Variants in SPECC1L observed in about 807,000 individuals in gnomAD.
SPECC1L encodes the protein cytospin-A.
A neutral mutation model predicts 116.8 loss-of-function variants in SPECC1L; 40 were observed. That is an observed-to-expected ratio of 0.34 (90% CI 0.27 to 0.45). The LOEUF is 0.45. Among genes scored for constraint, SPECC1L ranks in the 20% least tolerant of loss-of-function variants. The pLI is 1.00. For synonymous variants in SPECC1L, 504 were observed against 500.6 expected (o/e 1.01, Z -0.09); for missense variants, 1,110 against 1,373.6 (o/e 0.81, Z 3.03).
In SPECC1L at chr22:24,326,742, A is replaced by AT. The variant is rs541949421; in HGVS notation, c.2147-2100dup. Among the ~76,000 whole-genome samples, 22 of 152,248 alleles carry AT rather than the reference A, an allele frequency of 1.4e-4. No individual in the cohort carries two copies. The South Asian group carries it at 3.3e-3, about 23-fold the overall frequency. On this transcript the variant is annotated intron_variant, in intron 6 of 16. Transcript: ENST00000314328. ...ACACATTTATCAAATTAAAGAGTAA[A>AT]TTTTGAACCTTTTTATTTCACAGGA...
chr22:24,326,000 C>G (rs1263048019), intron 6 of SPECC1L, among the ~76,000 whole-genome samples: 1 of 152,188 alleles, frequency 6.6e-6, no homozygotes, highest in African/African-American at 2.4e-5. Flanking sequence ...GGTGCCCAGG[C>G]TAGAGTGCAG....
intron 1 of SPECC1L, among the ~76,000 whole-genome samples, chr22:24,275,525 C>T (rs1166953016): frequency 6.6e-6 from 1 of 150,924 alleles, no homozygotes; most frequent in African/African-American, 2.4e-5. Flanking sequence ...CAGATCACTT[C>T]CCTTTTTTCT....
At chr22:24,329,762 T>C (rs1395516716) in intron 7 of SPECC1L, among the ~76,000 whole-genome samples, 1 of 152,204 alleles carries the variant, frequency 6.6e-6, no homozygotes, top group African/African-American at 2.4e-5. Context: ...TTGAGTTTAG[T>C]GTTTTTCTTC....
chr22:24,293,923 GT>G (rs1274131631), intron 2 of SPECC1L, among the ~76,000 whole-genome samples: 1 of 39,502 alleles, frequency 2.5e-5, no homozygotes, highest in African/African-American at 1.0e-4. Flanking sequence ...TGCCCATTCT[GT>G]TTTCCTCATC....
intron 10 of SPECC1L, among the ~76,000 whole-genome samples, chr22:24,341,931 C>T (rs757886118): frequency 2.6e-5 from 4 of 152,294 alleles, no homozygotes; most frequent in East Asian, 1.9e-4. Context: ...AGCAGATCTT[C>T]GATCCTCGAG....
At chr22:24,384,359 G>T (rs2042121242) in intron 14 of SPECC1L, among the ~76,000 whole-genome samples, 1 of 152,188 alleles carries the variant, frequency 6.6e-6, no homozygotes, top group African/African-American at 2.4e-5. Context: ...GGAAGTTCTT[G>T]TAGCAGAAAG....
chr22:24,382,291 A>C (rs1392860214), intron 14 of SPECC1L, among the ~76,000 whole-genome samples: 1 of 152,160 alleles, frequency 6.6e-6, no homozygotes, highest in East Asian at 1.9e-4. Flanking sequence ...TAGAGGCCAG[A>C]CAAAGCAGTG....
intron 14 of SPECC1L, among the ~76,000 whole-genome samples, chr22:24,387,802 A>G (rs528925895): frequency 6.6e-6 from 1 of 152,330 alleles, no homozygotes; most frequent in South Asian, 2.1e-4. Context: ...TAGAAGTCCA[A>G]CATGGCTCTT....
chr22:24,278,181 C>A (rs1415737652), intron 2 of SPECC1L, among the ~76,000 whole-genome samples: 2 of 151,892 alleles, frequency 1.3e-5, no homozygotes, highest in African/African-American at 4.8e-5. Context: ...ATAGGGAGAC[C>A]CTGTCTCTAC....
At chr22:24,304,534 G>A (rs765565935) in intron 3 of SPECC1L, 1 of 152,168 alleles carries the variant, frequency 6.6e-6, no homozygotes, top group African/African-American at 2.4e-5. Flanking sequence ...AATTCTCCTT[G>A]GTCACAGTCA....
chr22:24,272,342 G>A (rs1260886083), intron 1 of SPECC1L, among the ~76,000 whole-genome samples: 1 of 152,002 alleles, frequency 6.6e-6, no homozygotes, highest in East Asian at 2.0e-4. Context: ...CCCAGCCTGG[G>A]CTACAGAGCG....
Position 24,369,450 on chromosome 22 carries a change from C to G in SPECC1L, c.3087+130C>G. On this transcript the variant is annotated intron_variant, in intron 14 of 16. Coordinates refer to ENST00000314328, the MANE Select transcript of SPECC1L (RefSeq NM_015330.6). ...GGCATGGTGGATCACACCTATAATC[C>G]TAACACATTGGGAGGCTGAGGCAGA... 6.7e-6 allele frequency: 5 copies of G among 742,004 alleles called. No individual in the cohort carries two copies. In the Admixed American group the frequency reaches 1.0e-4, roughly 15 times the overall value. The allele number at this position is 742,004 out of a possible 1,614,324, so 46.0% of individuals were successfully genotyped here.
chr22:24,346,163 C>A (rs958572571), intron 10 of SPECC1L, among the ~76,000 whole-genome samples: 2 of 152,066 alleles, frequency 1.3e-5, no homozygotes, highest in African/African-American at 2.4e-5. Flanking sequence ...CCTGCCACCA[C>A]GCCCAGCTAA....
chr22:24,369,405 G>A, intron 14 of SPECC1L, 85 bp downstream of exon 14: 1 of 964,062 alleles, frequency 1.0e-6, no homozygotes, highest in Non-Finnish European at 1.7e-6. Context: ...TCACACATTA[G>A]AAATGATAAG....
intron 2 of SPECC1L, among the ~76,000 whole-genome samples, chr22:24,295,837 A>G (rs1312876898): frequency 1.3e-5 from 2 of 151,926 alleles, no homozygotes; most frequent in Non-Finnish European, 2.9e-5. Context: ...AATCCCACCT[A>G]CTCGGGAGGC....
intron 11 of SPECC1L, among the ~76,000 whole-genome samples, chr22:24,357,193 C>G (rs1016583916): frequency 1.3e-5 from 2 of 152,100 alleles, no homozygotes; most frequent in African/African-American, 2.4e-5. Context: ...TATTGTCTGC[C>G]TTTTCCCTTA....
chr22:24,322,732 G>A lies in SPECC1L; in HGVS notation c.1752G>A (p.Glu584=). 6.3e-7 allele frequency: 1 copy of A among 1,585,030 alleles called. No homozygotes were observed. Among genetic ancestry groups the A allele is most frequent in the Non-Finnish European group, 8.6e-7 (1 of 1,167,456 alleles). The change falls in exon 5 of 17, where the codon GAG becomes GAA. Residue 584 remains glutamate, a synonymous_variant. Transcript: ENST00000314328. ...IEMNRLKAQL[E]NEKQKVAELY... ...TGAATCGCCTGAAGGCTCAGCTGGAGAATGAAAAGCAGAAAGTGGCAGAGC... is the reference window on the plus strand; with the variant it reads ...TGAATCGCCTGAAGGCTCAGCTGGAAAATGAAAAGCAGAAAGTGGCAGAGC...
At chr22:24,338,289 G>C (rs2041103734) in intron 9 of SPECC1L, 97 bp from the exon 10 acceptor site, 4 of 1,203,348 alleles carry the variant, frequency 3.3e-6, no homozygotes, top group Admixed American at 1.7e-5. Context: ...AGCGGGGTTT[G>C]AGAGCATTGG....
intron 10 of SPECC1L, among the ~76,000 whole-genome samples, chr22:24,340,801 A>G (rs1430097655): frequency 6.6e-6 from 1 of 152,314 alleles, no homozygotes; most frequent in East Asian, 1.9e-4. Flanking sequence ...CTGGTAAACC[A>G]TAATCTCTGG....
Sources: allele counts gnomAD v4.1 joint callset (sites outside exome capture counted in the v4.1 genomes callset), GRCh38; gene constraint gnomAD v4.1.1; transcripts MANE v1.5; gene names NCBI Gene and HGNC (gene_info 2026-07-23, HGNC 2026-07-21).